Variants in MOAP1 observed in about 807,000 individuals in gnomAD.
MOAP1 encodes the protein MAP1.
For synonymous variants in MOAP1, 150 were observed against 161.0 expected (o/e 0.93, Z 0.52); for missense variants, 385 against 418.6 (o/e 0.92, Z 0.70).
Position 93,183,099 on chromosome 14 carries a change from G to A in MOAP1, c.*88C>T, listed in dbSNP as rs755588291. The A allele has an allele frequency of 5.0e-5, 74 of 1,487,500 alleles. No individual in the cohort carries two copies. Among genetic ancestry groups the A allele is most frequent in the Non-Finnish European group, 6.4e-5 (72 of 1,119,720 alleles). 92.1% of individuals were successfully genotyped at this position (1,487,500 alleles called of 1,614,324 possible). A position where few individuals can be genotyped will look rare whatever the true frequency, so the allele number is the denominator to read the frequency against. Reference sequence around the variant, plus strand: ...AAAATGAGTTACTTGGCAGCACAAGGTAGGGATTGTATGTGTCACAAGAGT... The same window carrying A: ...AAAATGAGTTACTTGGCAGCACAAGATAGGGATTGTATGTGTCACAAGAGT... On this transcript the variant is annotated 3_prime_UTR_variant, in exon 3 of 3. Coordinates refer to ENST00000298894, the MANE Select transcript of MOAP1 (RefSeq NM_022151.5).
In MOAP1 at chr14:93,182,472, T is replaced by C. The variant is rs1311271078; in HGVS notation, c.*715A>G. 3 of 152,518 alleles carry C rather than the reference T, an allele frequency of 2.0e-5. No homozygotes were observed. The highest frequency in any genetic ancestry group is 4.8e-5 in the African/African-American group (2 of 41,442). The allele number at this position is 152,518 out of a possible 1,614,324, so 9.4% of individuals were successfully genotyped here. A position where few individuals can be genotyped will look rare whatever the true frequency, so the allele number is the denominator to read the frequency against. ...ATGTAGGTCAGTACATACCTAAAAA[T>C]TGTCAATGATCCAACATGGTCACAT... On this transcript the variant is annotated 3_prime_UTR_variant, in exon 3 of 3. Coordinates refer to ENST00000298894, the MANE Select transcript of MOAP1 (RefSeq NM_022151.5).
Position 93,184,160 on chromosome 14 carries a change from T to C in MOAP1, c.83A>G (p.Gln28Arg), listed in dbSNP as rs139637404. The C allele has an allele frequency of 7.0e-5, 113 of 1,614,004 alleles. No individual in the cohort carries two copies. In the African/African-American group the frequency reaches 1.4e-3, roughly 20 times the overall value. ...RKALLIAGIS[Q>R]SCSVAEIEEA... ...CTCGATTTCTGCCACACTGCAGCTC[T>C]GGGAGATGCCGGCAATCAATAGCGC... is the stretch of plus-strand genomic sequence containing the variant. The change falls in exon 3 of 3, where the codon CAG (glutamine) becomes CGG (arginine). Residue 28 changes from glutamine (Q) to arginine (R), a missense_variant. Physicochemically the swap from Gln to Arg is conservative, Grantham distance 43. Coordinates refer to ENST00000298894, the MANE Select transcript of MOAP1 (RefSeq NM_022151.5). This position sits in a 1 kb window ranked among gnomAD's most constrained non-coding sequence, Gnocchi z 4.2.
Position 93,184,365 on chromosome 14 carries a change from G to A in MOAP1, c.-120-3C>T, listed in dbSNP as rs1369891608. On this transcript the variant is annotated splice_region_variant and splice_polypyrimidine_tract_variant and intron_variant, in intron 2 of 2. Coordinates refer to ENST00000298894, the MANE Select transcript of MOAP1 (RefSeq NM_022151.5). The surrounding 1 kb of genome is among the most constrained non-coding windows in gnomAD (Gnocchi z 4.2). The stretch of plus-strand genomic sequence containing the variant: ...TCAACGTGCCGAGGTCCAGCAGCCT[G>A]CAAGACAGAGCAGACAGGTTAGCTA... The A allele has an allele frequency of 7.9e-6, 3 of 381,232 alleles. No individual in the cohort carries two copies. The highest frequency in any genetic ancestry group is 8.4e-5 in the East Asian group (1 of 11,894). The allele number at this position is 381,232 out of a possible 1,614,324, so 23.6% of individuals were successfully genotyped here.
chr14:93,183,286 G>C lies in MOAP1; in HGVS notation c.957C>G (p.Ala319=), dbSNP rs185136415. The change falls in exon 3 of 3, where the codon GCC becomes GCG. Residue 319 remains alanine (A), a synonymous_variant. Transcript: ENST00000298894. ...RELNLPEDGP[A]PGFLQLLVLI... ...GTACCAATAACTGCAAGAAACCAGG[G>C]GCTGGGCCATCCTCTGGCAGATTAA... 1.2e-6 allele frequency: 2 copies of C among 1,614,084 alleles called. No individual in the cohort carries two copies. The highest frequency in any genetic ancestry group is 1.1e-5 in the South Asian group (1 of 91,082).
chr14:93,183,285 G>C lies in MOAP1; in HGVS notation c.958C>G (p.Pro320Ala). 6.2e-7 allele frequency: 1 copy of C among 1,614,064 alleles called. No individual in the cohort carries two copies. The highest frequency in any genetic ancestry group is 8.5e-7 in the Non-Finnish European group (1 of 1,180,012). ...ELNLPEDGPA[P>A]GFLQLLVLIK... ...AGTACCAATAACTGCAAGAAACCAGGGGCTGGGCCATCCTCTGGCAGATTA... is the reference window on the plus strand; with the variant it reads ...AGTACCAATAACTGCAAGAAACCAGCGGCTGGGCCATCCTCTGGCAGATTA... Residue 320 changes from proline to alanine, a missense_variant, in exon 3 of 3, where the codon CCT becomes GCT. Pro to Ala is a conservative substitution (Grantham distance 27, BLOSUM62 -1). Transcript: ENST00000298894.
rs188287311 is a variant in MOAP1 at position 93,184,024 on chromosome 14, A to T, written c.219T>A (p.Thr73=). The T allele has an allele frequency of 5.5e-5, 89 of 1,613,968 alleles. No individual in the cohort carries two copies. Among genetic ancestry groups the T allele is most frequent in the Middle Eastern group, 3.3e-4 (2 of 6,062 alleles). ...KVALVGLTAE[T]SHALVPKEIP... ...TCTCCTTAGGGACCAGGGCGTGACT[A>T]GTCTCCGCAGTAAGCCCTACTAAGG... is the stretch of plus-strand genomic sequence containing the variant. Residue 73 remains threonine (T), a synonymous_variant, in exon 3 of 3, where the codon ACT becomes ACA. Transcript: ENST00000298894. The surrounding 1 kb of genome is among the most constrained non-coding windows in gnomAD (Gnocchi z 4.2).
Position 93,183,544 on chromosome 14 carries a change from A to G in MOAP1, c.699T>C (p.Cys233=), listed in dbSNP as rs1035549797. ...INNPLITVDE[C]LQALEEVFGV... ...CAAATACCTCCTCAAGAGCCTGCAG[A>G]CATTCATCGACAGTAATTAAAGGAT... Residue 233 remains cysteine, a synonymous_variant, in exon 3 of 3, where the codon TGT becomes TGC. Coordinates refer to ENST00000298894, the MANE Select transcript of MOAP1 (RefSeq NM_022151.5). The G allele has an allele frequency of 6.2e-7, 1 of 1,614,106 alleles. No individual in the cohort carries two copies. Among genetic ancestry groups the G allele is most frequent in the Non-Finnish European group, 8.5e-7 (1 of 1,180,042 alleles).
In MOAP1 at chr14:93,184,138, G is replaced by A. The variant is rs1180844390; in HGVS notation, c.105C>T (p.Ile35=). 2 of 1,614,062 alleles carry A rather than the reference G, an allele frequency of 1.2e-6. No homozygotes were observed. The highest frequency in any genetic ancestry group is 1.7e-5 in the Admixed American group (1 of 60,012). Residue 35 remains isoleucine (I), a synonymous_variant, in exon 3 of 3, where the codon ATC becomes ATT. Coordinates refer to ENST00000298894, the MANE Select transcript of MOAP1 (RefSeq NM_022151.5). The surrounding 1 kb of genome is among the most constrained non-coding windows in gnomAD (Gnocchi z 4.2). Reference sequence around the variant, plus strand: ...CTAAACCAGCCTGCAGAGCCTCCTCGATTTCTGCCACACTGCAGCTCTGGG... The same window carrying A: ...CTAAACCAGCCTGCAGAGCCTCCTCAATTTCTGCCACACTGCAGCTCTGGG... The part of the protein sequence containing the change: ...GISQSCSVAE[I]EEALQAGLAP...
Position 93,184,093 on chromosome 14 carries a change from TCTGTA to T in MOAP1, c.145_149del (p.Tyr49ThrfsTer10). On this transcript the variant is annotated frameshift_variant, in exon 3 of 3. Coordinates refer to ENST00000298894, the MANE Select transcript of MOAP1 (RefSeq NM_022151.5). LOFTEE classifies it low-confidence loss of function (END_TRUNC). This position sits in a 1 kb window ranked among gnomAD's most constrained non-coding sequence, Gnocchi z 4.2. The stretch of plus-strand genomic sequence containing the variant: ...CCCTCCTGAACATCCTTCCAAGCAG[TCTGTA>T]CTCCCCCAAGGGAGCTAAACCAGCC... The T allele has an allele frequency of 1.2e-6, 2 of 1,613,906 alleles. No homozygotes were observed. Among genetic ancestry groups the T allele is most frequent in the Non-Finnish European group, 1.7e-6 (2 of 1,179,976 alleles).
Position 93,184,049 on chromosome 14 carries a change from G to A in MOAP1, c.194C>T (p.Ala65Val), listed in dbSNP as rs576332357. 3.7e-6 allele frequency: 6 copies of A among 1,613,912 alleles called. No homozygotes were observed. The highest frequency in any genetic ancestry group is 4.2e-6 in the Non-Finnish European group (5 of 1,179,932). ...AGTCTCCGCAGTAAGCCCTACTAAG[G>A]CTACTTTCCTGTTCTCATCCCTCCT... The part of the protein sequence containing the change: ...MFRRDENRKV[A>V]LVGLTAETSH... Residue 65 changes from alanine to valine, a missense_variant, in exon 3 of 3, where the codon GCC (alanine) becomes GTC (valine). Coordinates refer to ENST00000298894, the MANE Select transcript of MOAP1 (RefSeq NM_022151.5). The surrounding 1 kb of genome is among the most constrained non-coding windows in gnomAD (Gnocchi z 4.2).
rs1405716726 is a variant in MOAP1, at chr14:93,184,081, C to T, written c.162G>A (p.Arg54=). The stretch of plus-strand genomic sequence containing the variant: ...TCCTGTTCTCATCCCTCCTGAACAT[C>T]CTTCCAAGCAGTCTGTACTCCCCCA... ...APLGEYRLLG[R]MFRRDENRKV... Residue 54 remains arginine (R), a synonymous_variant, in exon 3 of 3, where the codon AGG becomes AGA. Coordinates refer to ENST00000298894, the MANE Select transcript of MOAP1 (RefSeq NM_022151.5). The surrounding 1 kb of genome is among the most constrained non-coding windows in gnomAD (Gnocchi z 4.2). The T allele has an allele frequency of 3.7e-6, 6 of 1,614,040 alleles. No homozygotes were observed. The highest frequency in any genetic ancestry group is 1.7e-5 in the Admixed American group (1 of 60,002).
In MOAP1 at chr14:93,183,152, A is replaced by C; in HGVS notation, c.*35T>G. On this transcript the variant is annotated 3_prime_UTR_variant, in exon 3 of 3. Transcript: ENST00000298894. ...ATAGACTGTTCTACCTTCATGCTCT[A>C]CTCATTGCCATATCCCTTCGTGGTT... The C allele has an allele frequency of 6.4e-7, 1 of 1,563,422 alleles. No individual in the cohort carries two copies. The highest frequency in any genetic ancestry group is 8.6e-7 in the Non-Finnish European group (1 of 1,156,378).
At position 93,183,923 on chromosome 14, in the gene MOAP1, T is replaced by C; in HGVS notation, c.320A>G (p.Asn107Ser). The C allele has an allele frequency of 6.2e-7, 1 of 1,613,952 alleles. No individual in the cohort carries two copies. ...CATGCCCTCTCCCGCTAAAAATTCATTTAATCTGCTTAAAAATGTATTATC... is the reference window on the plus strand; with the variant it reads ...CATGCCCTCTCCCGCTAAAAATTCACTTAATCTGCTTAAAAATGTATTATC... The part of the protein sequence containing the change: ...DPDNTFLSRL[N>S]EFLAGEGMTV... The change falls in exon 3 of 3, where the codon AAT (asparagine) becomes AGT (serine). Residue 107 changes from asparagine to serine, a missense_variant. Asn to Ser is a conservative substitution (Grantham distance 46). Coordinates refer to ENST00000298894, the MANE Select transcript of MOAP1 (RefSeq NM_022151.5).
rs746121546 is a variant in MOAP1, at chr14:93,183,583, G to C, written c.660C>G (p.Val220=). The stretch of plus-strand genomic sequence containing the variant: ...TAATTAAAGGATTGTTTATCTTGAG[G>C]ACACGAATAACATCAAGTGCTGGGC... ...LRGPALDVIR[V]LKINNPLITV... is the part of the protein sequence containing the mutation. The change falls in exon 3 of 3, where the codon GTC becomes GTG. Residue 220 remains valine, a synonymous_variant. Coordinates refer to ENST00000298894, the MANE Select transcript of MOAP1 (RefSeq NM_022151.5). The C allele has an allele frequency of 3.7e-5, 60 of 1,614,056 alleles. No homozygotes were observed. The Admixed American group carries it at 1.0e-3, about 27-fold the overall frequency.
Position 93,183,552 on chromosome 14 carries a change from C to A in MOAP1, c.691G>T (p.Asp231Tyr). ...LKINNPLITVDECLQALEEVF... is the reference protein window; with the variant it reads ...LKINNPLITVYECLQALEEVF... ...TCCTCAAGAGCCTGCAGACATTCAT[C>A]GACAGTAATTAAAGGATTGTTTATC... Residue 231 changes from aspartate (D) to tyrosine (Y), a missense_variant, in exon 3 of 3, where the codon GAT becomes TAT. Transcript: ENST00000298894. 6.2e-7 allele frequency: 1 copy of A among 1,614,178 alleles called. No individual in the cohort carries two copies. Among genetic ancestry groups the A allele is most frequent in the Non-Finnish European group, 8.5e-7 (1 of 1,180,042 alleles).
chr14:93,183,252 C>A lies in MOAP1; in HGVS notation c.991G>T (p.Asp331Tyr), dbSNP rs557939539. 1 of 1,614,024 alleles carries A rather than the reference C, an allele frequency of 6.2e-7. No individual in the cohort carries two copies. Among genetic ancestry groups the A allele is most frequent in the East Asian group, 2.2e-5 (1 of 44,888 alleles). Residue 331 changes from aspartate to tyrosine, a missense_variant, in exon 3 of 3, where the codon GAT becomes TAT. Asp to Tyr is a radical substitution (Grantham distance 160). Coordinates refer to ENST00000298894, the MANE Select transcript of MOAP1 (RefSeq NM_022151.5). ...GFLQLLVLIK[D>Y]YEAAEEEEAL... ...TCCTCCTCCTCAGCTGCCTCATAAT[C>A]CTTTATTAGTACCAATAACTGCAAG... is the stretch of plus-strand genomic sequence containing the variant.
Position 93,183,795 on chromosome 14 carries a change from A to C in MOAP1, c.448T>G (p.Leu150Val). 2.4e-5 allele frequency: 38 copies of C among 1,614,004 alleles called. No individual in the cohort carries two copies. Among genetic ancestry groups the C allele is most frequent in the Non-Finnish European group, 3.2e-5 (38 of 1,180,006 alleles). Residue 150 changes from leucine (L) to valine (V), a missense_variant, in exon 3 of 3, where the codon TTA becomes GTA. Physicochemically the swap from Leu to Val is conservative, Grantham distance 32. Transcript: ENST00000298894. ...EMWAPMLAQA[L>V]EALQPALQCL... ...TGCAGGGCAGGCTGAAGAGCCTCTA[A>C]TGCCTGTGCCAACATAGGGGCCCAC...
At position 93,183,424 on chromosome 14, in the gene MOAP1, C is replaced by A. The variant is rs778141816; in HGVS notation, c.819G>T (p.Glu273Asp). 3.6e-5 allele frequency: 58 copies of A among 1,614,230 alleles called. No individual in the cohort carries two copies. The East Asian group carries it at 1.0e-3, about 28-fold the overall frequency. The change falls in exon 3 of 3, where the codon GAG becomes GAT. Residue 273 changes from glutamate (E) to aspartate (D), a missense_variant. By Grantham distance (45) the Glu-to-Asp change is conservative. Coordinates refer to ENST00000298894, the MANE Select transcript of MOAP1 (RefSeq NM_022151.5). ...EKLSAYVLRL[E>D]PLLQKLVQRG... is the part of the protein sequence containing the mutation. ...TCTGTACCAGCTTCTGTAACAAAGG[C>A]TCCAGCCTTAGTACATAAGCCGACA...
chr14:93,184,103 C>G lies in MOAP1; in HGVS notation c.140G>C (p.Gly47Ala). ...EALQAGLAPL[G>A]EYRLLGRMFR... ...CATCCTTCCAAGCAGTCTGTACTCCCCCAAGGGAGCTAAACCAGCCTGCAG... is the reference window on the plus strand; with the variant it reads ...CATCCTTCCAAGCAGTCTGTACTCCGCCAAGGGAGCTAAACCAGCCTGCAG... Residue 47 changes from glycine to alanine, a missense_variant, in exon 3 of 3, where the codon GGG becomes GCG. Physicochemically the swap from Gly to Ala is moderately conservative, Grantham distance 60 (BLOSUM62 0). Coordinates refer to ENST00000298894, the MANE Select transcript of MOAP1 (RefSeq NM_022151.5). The surrounding 1 kb of genome is among the most constrained non-coding windows in gnomAD (Gnocchi z 4.2). 6.2e-7 allele frequency: 1 copy of G among 1,614,084 alleles called. No individual in the cohort carries two copies.
Sources: allele counts gnomAD v4.1 joint callset, GRCh38; gene constraint gnomAD v4.1.1; non-coding constraint Gnocchi (gnomAD v3.1); transcripts MANE v1.5; gene names NCBI Gene and HGNC (gene_info 2026-07-23, HGNC 2026-07-21).